Variants in PARP2 observed in about 807,000 individuals in gnomAD.
The protein encoded by PARP2 is poly [ADP-ribose] polymerase 2.
In PARP2, 57 loss-of-function variants were observed where a neutral mutation model predicts 77.8. That is an observed-to-expected ratio of 0.73 (90% CI 0.59 to 0.91). The LOEUF (loss-of-function observed/expected upper bound fraction) is 0.91. PARP2 is among the 40% of genes least tolerant of loss of function. The pLI, the probability that PARP2 is intolerant of heterozygous loss-of-function variation, is 0.00. For synonymous variants in PARP2, 226 were observed against 242.6 expected (o/e 0.93, Z 0.64); for missense variants, 651 against 689.0 (o/e 0.94, Z 0.62).
rs1281264164 is a variant in PARP2 at position 20,347,344 on chromosome 14, ATATGTGTG to A, written c.324+433_324+440del. 2.8e-3 allele frequency among the ~76,000 whole-genome samples: 180 copies of A among 63,876 alleles called. 2 individuals are homozygous for A. The highest frequency in any genetic ancestry group is 0.029 in the Middle Eastern group (2 of 70). The allele number at this position is 63,876 out of a possible 152,430, so 41.9% of individuals were successfully genotyped here. A position where few individuals can be genotyped will look rare whatever the true frequency, so the allele number is the denominator to read the frequency against. ...CACCACGCCTTGCCTAAAGTCCTTC[ATATGTGTG>A]TGTGTATATATATATATATATATAT... On this transcript the variant is annotated intron_variant, in intron 4 of 15. Coordinates refer to ENST00000429687, the MANE Select transcript of PARP2 (RefSeq NM_001042618.2).
At chr14:20,348,109 A>G (rs897182426) in intron 4 of PARP2, among the ~76,000 whole-genome samples, 6 of 152,050 alleles carry the variant, frequency 3.9e-5, no homozygotes, top group South Asian at 2.1e-4. Context: ...CTTGGCCTCA[A>G]ATGATCCTCC....
At chr14:20,351,467 C>T (rs186187274) in intron 6 of PARP2, among the ~76,000 whole-genome samples, 157 of 152,260 alleles carry the variant, frequency 1.0e-3, no homozygotes, top group African/African-American at 3.4e-3. Context: ...CGTGAGCCAC[C>T]GTGCCCTGCC....
Position 20,357,791 on chromosome 14 carries a change from G to A in PARP2, c.1707G>A (p.Leu569=). 1 of 1,612,512 alleles carries A rather than the reference G, an allele frequency of 6.2e-7. No individual in the cohort carries two copies. The highest frequency in any genetic ancestry group is 8.5e-7 in the Non-Finnish European group (1 of 1,179,400). The change falls in exon 16 of 16, where the codon CTG becomes CTA. Residue 569 remains leucine, a synonymous_variant. Coordinates refer to ENST00000429687, the MANE Select transcript of PARP2 (RefSeq NM_001042618.2). ...AGGTTCAGTTTAATTTCCTTCAGCT[G>A]TGGTGAATGTTGATATTAAATAAAC... ...LLKVQFNFLQ[L]W
At chr14:20,352,001 C>T (rs1883971848) in intron 6 of PARP2, among the ~76,000 whole-genome samples, 1 of 152,126 alleles carries the variant, frequency 6.6e-6, no homozygotes. Flanking sequence ...ATCTCAATGG[C>T]TTTTGTGGTG....
At chr14:20,345,848 A>G (rs906930671) in intron 3 of PARP2, among the ~76,000 whole-genome samples, 7 of 151,786 alleles carry the variant, frequency 4.6e-5, no homozygotes, top group African/African-American at 1.5e-4. Context: ...AAAGCAGGGG[A>G]GAGAGAGAGA....
rs377506372 is a variant in PARP2, at chr14:20,355,921, A to C, written c.991A>C (p.Ile331Leu). The change falls in exon 11 of 16, where the codon ATT becomes CTT. Residue 331 changes from isoleucine (I) to leucine (L), a missense_variant. Physicochemically the swap from Ile to Leu is conservative, Grantham distance 5. Coordinates refer to ENST00000429687, the MANE Select transcript of PARP2 (RefSeq NM_001042618.2). ...LEALGDIEIA[I>L]KLVKTELQSP... is the part of the protein sequence containing the mutation. ...GGCTTTGGGAGACATTGAAATTGCT[A>C]TTAAGCTGGTGAAAACAGAGCTACA... The C allele has an allele frequency of 9.9e-6, 16 of 1,614,068 alleles. No individual in the cohort carries two copies. The highest frequency in any genetic ancestry group is 1.1e-5 in the Non-Finnish European group (13 of 1,180,026).
chr14:20,356,086 A>T, intron 11 of PARP2, 55 bp downstream of exon 11: 1 of 1,577,160 alleles, frequency 6.3e-7, no homozygotes, highest in African/African-American at 1.4e-5. Context: ...CACCTCCCCC[A>T]TCCCACTGTT....
At chr14:20,355,192 G>A (rs376329734) in intron 9 of PARP2, 12 of 365,310 alleles carry the variant, frequency 3.3e-5, no homozygotes, top group African/African-American at 2.1e-4. Context: ...AGAGAGAATG[G>A]GTCTAGCTAT....
chr14:20,354,013 A>G (rs1227012989), intron 7 of PARP2, 72 bp from the exon 8 acceptor site: 3 of 1,181,130 alleles, frequency 2.5e-6, no homozygotes, highest in East Asian at 4.7e-5. Flanking sequence ...ACATTGTATA[A>G]TATTGGGTGT....
chr14:20,349,507 A>G (rs1883883675), intron 4 of PARP2, among the ~76,000 whole-genome samples: 1 of 113,524 alleles, frequency 8.8e-6, no homozygotes, highest in African/African-American at 5.0e-5. Flanking sequence ...CATGTCTACT[A>G]AAAATACAAA....
Position 20,357,658 on chromosome 14 carries a change from T to A in PARP2, c.1574T>A (p.Leu525Ter). 1 of 1,613,692 alleles carries A rather than the reference T, an allele frequency of 6.2e-7. No individual in the cohort carries two copies. Among genetic ancestry groups the A allele is most frequent in the Non-Finnish European group, 8.5e-7 (1 of 1,179,892 alleles). Residue 525 changes from leucine to a stop codon, truncating the protein, a stop_gained, in exon 16 of 16, where the codon TTA becomes TAA. Transcript: ENST00000429687. LOFTEE classifies it high-confidence loss of function. ...FVTLNGSTVP[L>*]GPASDTGILN... The stretch of plus-strand genomic sequence containing the variant: ...GGCAGGAATGGGAGTACAGTGCCAT[T>A]AGGACCAGCAAGTGACACAGGAATT...
intron 1 of PARP2, among the ~76,000 whole-genome samples, chr14:20,343,936 A>G (rs940157623): frequency 2.6e-5 from 4 of 152,192 alleles, no homozygotes; most frequent in African/African-American, 7.2e-5. Flanking sequence ...ATGTCATCCA[A>G]TTTACAAAAA....
rs1884101365 is a variant in PARP2 at position 20,355,208 on chromosome 14, C to T, written c.902+261C>T. The T allele has an allele frequency of 9.0e-6, 3 of 333,256 alleles. No homozygotes were observed. In the Admixed American group the frequency reaches 1.4e-4, roughly 15 times the overall value. The allele number at this position is 333,256 out of a possible 1,614,324, so 20.6% of individuals were successfully genotyped here. A position where few individuals can be genotyped will look rare whatever the true frequency, so the allele number is the denominator to read the frequency against. On this transcript the variant is annotated intron_variant, in intron 9 of 15. Transcript: ENST00000429687. ...GAGAGAATGGGTCTAGCTATCCAAC[C>T]ACCCAAGTAAAACACCTTCAGGCAT...
chr14:20,354,663 C>T (rs1231079830), intron 8 of PARP2, 146 bp from the exon 9 acceptor site: 1 of 764,338 alleles, frequency 1.3e-6, no homozygotes, highest in Non-Finnish European at 2.1e-6. Flanking sequence ...CCACGGCACT[C>T]AGCCTGGGCA....
chr14:20,345,177 CCTT>C (rs1594294773), intron 2 of PARP2, 90 bp downstream of exon 2: 1 of 1,443,544 alleles, frequency 6.9e-7, no homozygotes, highest in Non-Finnish European at 9.7e-7. Flanking sequence ...CCTATTTCGT[CCTT>C]CTTTCAGGGA....
In PARP2 at chr14:20,354,115, CT is replaced by C. The variant is rs1304854097; in HGVS notation, c.633del (p.Lys212AsnfsTer4). ...DEEETKKEES[L>X]KSPLKPESQL... ...AGAGGAAACAAAGAAAGAGGAATCT[CT>C]TAAATCTCCCTTGAAGCCAGAGTCA... On this transcript the variant is annotated frameshift_variant, in exon 8 of 16. Transcript: ENST00000429687. LOFTEE classifies it high-confidence loss of function. 3.1e-6 allele frequency: 5 copies of C among 1,613,240 alleles called. No homozygotes were observed. Among genetic ancestry groups the C allele is most frequent in the Non-Finnish European group, 4.2e-6 (5 of 1,179,400 alleles).
chr14:20,353,797 G>A (rs1413348355), intron 7 of PARP2, among the ~76,000 whole-genome samples: 2 of 152,130 alleles, frequency 1.3e-5, no homozygotes, highest in African/African-American at 4.8e-5. Context: ...ACGTCATGAG[G>A]AAAGCCTTTT....
Position 20,354,265 on chromosome 14 carries a change from C to A in PARP2, c.763+18C>A. 6.3e-7 allele frequency: 1 copy of A among 1,583,934 alleles called. No individual in the cohort carries two copies. The highest frequency in any genetic ancestry group is 8.7e-7 in the Non-Finnish European group (1 of 1,154,572). On this transcript the variant is annotated intron_variant, in intron 8 of 15. Transcript: ENST00000429687. ...CCCACTTGGTAGGACTTCACATTTT[C>A]TTCTGCATTCTCTCCTTATAATTCC...
At chr14:20,351,749 G>GGCTC (rs10625250) in intron 6 of PARP2, among the ~76,000 whole-genome samples, 87,796 of 151,486 alleles carry the variant, frequency 0.58, 26,608 homozygotes, top group African/African-American at 0.77. Context: ...TGAGCACGGT[G>GGCTC]ATGCCTGTAA....
Sources: allele counts gnomAD v4.1 joint callset (sites outside exome capture counted in the v4.1 genomes callset), GRCh38; gene constraint gnomAD v4.1.1; transcripts MANE v1.5; gene names NCBI Gene and HGNC (gene_info 2026-07-23, HGNC 2026-07-21).